MVK: variants seen among roughly 807,000 people sequenced by gnomAD.
The protein encoded by MVK is mevalonate kinase, also known as LH receptor mRNA-binding protein.
A neutral mutation model predicts 43.2 loss-of-function variants in MVK; 34 were observed. That is an observed-to-expected ratio of 0.79 (90% CI 0.60 to 1.05). MVK has a LOEUF of 1.05. Ranked by LOEUF, MVK falls within the 50% of genes least tolerant of loss-of-function variation. MVK has a pLI of 0.00. For missense variants in MVK, 395 were observed against 504.0 expected (o/e 0.78, Z 2.07); for synonymous variants, 190 against 219.8 (o/e 0.86, Z 1.20).
intron 4 of MVK, 137 bp downstream of exon 4, chr12:109,580,083 G>C: frequency 1.5e-6 from 2 of 1,326,258 alleles, no homozygotes; most frequent in South Asian, 2.4e-5. Context: ...TCATGTGCCA[G>C]GCACCCTGCC....
chr12:109,573,771 C>T (rs1169651289), upstream of MVK: 2 of 466,068 alleles, frequency 4.3e-6, no homozygotes. Context: ...AAGTACAACG[C>T]CTCCTCCCCT....
In MVK at chr12:109,590,867, T is replaced by C; in HGVS notation, c.768+6T>C. On this transcript the variant is annotated splice_donor_region_variant and intron_variant, in intron 8 of 10. Transcript: ENST00000228510. ...TCAGAAACAGGCTGCTCAAGGTGAC[T>C]CTTGTTCCCTTCTTGGGCAGGTTTC... 1.2e-6 allele frequency: 2 copies of C among 1,613,730 alleles called. No homozygotes were observed. The highest frequency in any genetic ancestry group is 1.7e-6 in the Non-Finnish European group (2 of 1,179,628).
chr12:109,585,951 A>G (rs937375549), intron 5 of MVK, 71 bp from the exon 6 acceptor site: 5 of 1,293,770 alleles, frequency 3.9e-6, no homozygotes, highest in Non-Finnish European at 5.6e-6. Context: ...CCTGCCCAGC[A>G]CAGCCCCAGG....
At chr12:109,593,320 T>G (rs1885763438) in intron 9 of MVK, among the ~76,000 whole-genome samples, 1 of 152,198 alleles carries the variant, frequency 6.6e-6, no homozygotes, top group South Asian at 2.1e-4. Context: ...GGCAGGCTGT[T>G]GGGGAGGGCC....
Position 109,596,867 on chromosome 12 carries a change from C to T in MVK, c.*290C>T. 1 of 510,548 alleles carries T rather than the reference C, an allele frequency of 2.0e-6. No individual in the cohort carries two copies. Among genetic ancestry groups the T allele is most frequent in the African/African-American group, 1.9e-5 (1 of 52,060 alleles). The allele number at this position is 510,548 out of a possible 1,614,324, so 31.6% of individuals were successfully genotyped here. A position where few individuals can be genotyped will look rare whatever the true frequency, so the allele number is the denominator to read the frequency against. The stretch of plus-strand genomic sequence containing the variant: ...TGCTTCCCTGAAGCTCCCACAGTCC[C>T]ATCTGCTTCAGGCCCCCGCCTTGGC... On this transcript the variant is annotated 3_prime_UTR_variant, in exon 11 of 11. Transcript: ENST00000228510.
chr12:109,574,662 G>T lies in MVK; in HGVS notation c.-14-147G>T, dbSNP rs3759387. 0.28 allele frequency: 197,322 copies of T among 708,672 alleles called. 28,957 individuals are homozygous for T. Among genetic ancestry groups the T allele is most frequent in the African/African-American group, 0.4 (22,598 of 56,952 alleles). The allele number at this position is 708,672 out of a possible 1,614,324, so 43.9% of individuals were successfully genotyped here. A position where few individuals can be genotyped will look rare whatever the true frequency, so the allele number is the denominator to read the frequency against. On this transcript the variant is annotated intron_variant, in intron 1 of 10. Coordinates refer to ENST00000228510, the MANE Select transcript of MVK (RefSeq NM_000431.4). ...TGTTGGATGTGTCCAGTTGACTCCT[G>T]CATTGCCTTTCTGGTACGTAGCAAG...
At chr12:109,582,316 TTTTGTTTGTTTGTTTG>T (rs201036800) in intron 5 of MVK, among the ~76,000 whole-genome samples, 2 of 38,014 alleles carry the variant, frequency 5.3e-5, no homozygotes, top group Non-Finnish European at 1.1e-4. Context: ...AGCTTGGTTT[TTTTGTTTGTTTGTTTG>T]TTTGTTTGTT....
intron 9 of MVK, among the ~76,000 whole-genome samples, chr12:109,593,089 C>T (rs1435404524): frequency 6.6e-6 from 1 of 152,240 alleles, no homozygotes; most frequent in Admixed American, 6.5e-5. Context: ...CACAACCTGT[C>T]ATCTGATCCT....
rs147662789 is a variant in MVK at position 109,596,514 on chromosome 12, C to T, written c.1128C>T (p.Gly376=). The T allele has an allele frequency of 3.7e-5, 60 of 1,612,936 alleles. No individual in the cohort carries two copies. In the African/African-American group the frequency reaches 5.2e-4, roughly 14 times the overall value. ...TGGAAACCAGCATCGGTGCCCCCGG[C>T]GTCTCCATCCACTCAGCCACCTCCC... ...DCLETSIGAP[G]VSIHSATSLD... is the part of the protein sequence containing the mutation. Residue 376 remains glycine, a synonymous_variant, in exon 11 of 11, where the codon GGC becomes GGT. Transcript: ENST00000228510.
chr12:109,595,020 T>C lies in MVK; in HGVS notation c.886-8T>C. 5.6e-6 allele frequency: 9 copies of C among 1,614,102 alleles called. No homozygotes were observed. Among genetic ancestry groups the C allele is most frequent in the Non-Finnish European group, 7.6e-6 (9 of 1,180,016 alleles). On this transcript the variant is annotated splice_region_variant and splice_polypyrimidine_tract_variant and intron_variant, in intron 9 of 10. Transcript: ENST00000228510. This position sits in a 1 kb window ranked among gnomAD's most constrained non-coding sequence, Gnocchi z 5.9. Reference sequence around the variant, plus strand: ...CCAAGTGGGAACAGATGGAACCTTCTCCCCTAGGAGCTCATTGACATGAAC... The same window carrying C: ...CCAAGTGGGAACAGATGGAACCTTCCCCCCTAGGAGCTCATTGACATGAAC...
intron 7 of MVK, chr12:109,589,962 G>C (rs1885596855): frequency 1.3e-5 from 2 of 154,368 alleles, no homozygotes; most frequent in East Asian, 3.8e-4. Flanking sequence ...TAGAGAGTCA[G>C]CTCAACGTGG....
At position 109,581,279 on chromosome 12, in the gene MVK, C is replaced by T. The variant is rs911140854; in HGVS notation, c.372-116C>T. 5 of 1,342,790 alleles carry T rather than the reference C, an allele frequency of 3.7e-6. No individual in the cohort carries two copies. In the Admixed American group the frequency reaches 6.7e-5, roughly 18 times the overall value. The allele number at this position is 1,342,790 out of a possible 1,614,324, so 83.2% of individuals were successfully genotyped here. Reference sequence around the variant, plus strand: ...ACATTTGGGGTCAGGAATTCTCCCCCAGTTGAGAAAACTGGACCAGATGCT... The same window carrying T: ...ACATTTGGGGTCAGGAATTCTCCCCTAGTTGAGAAAACTGGACCAGATGCT... On this transcript the variant is annotated intron_variant, in intron 4 of 10. Transcript: ENST00000228510.
intron 5 of MVK, among the ~76,000 whole-genome samples, chr12:109,585,427 C>T (rs978474565): frequency 6.6e-5 from 10 of 152,152 alleles, no homozygotes; most frequent in African/African-American, 2.4e-4. Flanking sequence ...GGTTCCAATT[C>T]TCCAGGGAAG....
chr12:109,593,948 C>T (rs914572453), intron 9 of MVK, among the ~76,000 whole-genome samples: 2 of 151,824 alleles, frequency 1.3e-5, no homozygotes, highest in African/African-American at 2.4e-5. Flanking sequence ...AAACTCCTGA[C>T]CTCAAGTGAT....
chr12:109,587,601 C>T (rs985555853), intron 7 of MVK, among the ~76,000 whole-genome samples: 12 of 152,258 alleles, frequency 7.9e-5, no homozygotes, highest in Non-Finnish European at 1.6e-4. Context: ...TGGGCCTTTT[C>T]GCATCAGTAA....
chr12:109,596,364 A>G, intron 10 of MVK, 62 bp from the exon 11 acceptor site: 1 of 1,573,744 alleles, frequency 6.4e-7, no homozygotes, highest in Non-Finnish European at 8.6e-7. Context: ...TGCCTTGAAT[A>G]TGATGAGCTT....
chr12:109,575,905 T>A, intron 2 of MVK, 93 bp from the exon 3 acceptor site: 1 of 1,484,366 alleles, frequency 6.7e-7, no homozygotes, highest in South Asian at 1.1e-5. Context: ...AGGAGTGGCC[T>A]CTGTGCTTAT....
chr12:109,587,439 C>T (rs1885487457), intron 7 of MVK, among the ~76,000 whole-genome samples: 1 of 152,230 alleles, frequency 6.6e-6, no homozygotes, highest in Non-Finnish European at 1.5e-5. Context: ...GCGATTTCAG[C>T]ATCCTCTGTT....
intron 7 of MVK, chr12:109,590,456 C>G: frequency 2.4e-6 from 1 of 420,990 alleles, no homozygotes; most frequent in Non-Finnish European, 4.5e-6. Context: ...AAAACCTTCT[C>G]GGCCCTTCTC....
Sources: gnomAD v4.1 joint callset for allele counts (sites outside exome capture counted in the v4.1 genomes callset) on GRCh38, gnomAD v4.1.1 for gene constraint, Gnocchi (gnomAD v3.1) non-coding constraint, MANE v1.5 for transcripts, NCBI Gene and HGNC (gene_info 2026-07-23, HGNC 2026-07-21) for gene names.